The following FBN2 variants were observed in gnomAD, a reference collection of about 807,000 sequenced individuals.
The protein encoded by FBN2 is fibrillin-2.
Under a neutral mutation model 355.6 loss-of-function variants are expected in FBN2, and 105 were observed. That is an observed-to-expected ratio of 0.30 (90% CI 0.25 to 0.35). FBN2 has a LOEUF of 0.35. Ranked by LOEUF, FBN2 falls within the 10% of genes least tolerant of loss-of-function variation. FBN2 has a pLI of 1.00. For synonymous variants in FBN2, 1,350 were observed against 1,301.2 expected (o/e 1.04, Z -0.81); for missense variants, 3,280 against 3,758.7 (o/e 0.87, Z 3.33).
intron 7 of FBN2, among the ~76,000 whole-genome samples, chr5:128,440,525 C>T (rs961329777): frequency 5.3e-5 from 8 of 152,088 alleles, no homozygotes; most frequent in East Asian, 1.9e-4. Context: ...CTCACTATCA[C>T]GAGAACAGCA....
chr5:128,293,127 T>C (rs1482538341), intron 48 of FBN2, among the ~76,000 whole-genome samples: 2 of 152,176 alleles, frequency 1.3e-5, no homozygotes, highest in Admixed American at 1.3e-4. Context: ...CATATCTATG[T>C]CTGTGTATGT....
At position 128,309,143 on chromosome 5, in the gene FBN2, C is replaced by T; in HGVS notation, c.5353+104G>A. The T allele has an allele frequency of 4.8e-6, 6 of 1,262,364 alleles. 1 individual carries two copies. In the South Asian group the frequency reaches 7.5e-5, roughly 16 times the overall value. The allele number at this position is 1,262,364 out of a possible 1,614,324, so 78.2% of individuals were successfully genotyped here. Reference sequence around the variant, plus strand: ...ATGATGCTCTTGGGAATTTTTGGAACTGAGCATCTCTAGTTTTAGCATGCA... The same window carrying T: ...ATGATGCTCTTGGGAATTTTTGGAATTGAGCATCTCTAGTTTTAGCATGCA... On this transcript the variant is annotated intron_variant, in intron 41 of 64. Transcript: ENST00000262464.
At chr5:128,510,461 G>A (rs545733477) in intron 5 of FBN2, among the ~76,000 whole-genome samples, 1 of 152,154 alleles carries the variant, frequency 6.6e-6, no homozygotes, top group East Asian at 1.9e-4. Context: ...TTCTCTCACG[G>A]GTCACTGTTT....
chr5:128,438,734 C>T (rs903107868), intron 7 of FBN2, among the ~76,000 whole-genome samples: 1 of 152,038 alleles, frequency 6.6e-6, no homozygotes, highest in Non-Finnish European at 1.5e-5. Flanking sequence ...ACTGAGGGCT[C>T]AAGAAAAAAA....
intron 19 of FBN2, among the ~76,000 whole-genome samples, chr5:128,358,875 T>C (rs1751569122): frequency 6.6e-6 from 1 of 152,044 alleles, no homozygotes; most frequent in Non-Finnish European, 1.5e-5. Flanking sequence ...CAATTATGAA[T>C]TCAGAAACTA....
Position 128,339,051 on chromosome 5 carries a change from C to T in FBN2, c.3354G>A (p.Glu1118=), listed in dbSNP as rs1164657961. The T allele has an allele frequency of 3.7e-6, 6 of 1,614,036 alleles. No homozygotes were observed. Among genetic ancestry groups the T allele is most frequent in the South Asian group, 2.2e-5 (2 of 91,086 alleles). ...MEERNCTDID[E]CRISPDLCGS... is the part of the protein sequence containing the mutation. ...CACAGAGGTCAGGAGAAATCCTGCA[C>T]TCGTCGATGTCTAATTCACAGGGTT... Residue 1118 remains glutamate (E), a synonymous_variant, in exon 26 of 65, where the codon GAG becomes GAA. Transcript: ENST00000262464.
At chr5:128,511,575 A>G (rs1260283274) in intron 5 of FBN2, among the ~76,000 whole-genome samples, 1 of 152,230 alleles carries the variant, frequency 6.6e-6, no homozygotes, top group Admixed American at 6.5e-5. Context: ...GGAGTATAAG[A>G]AACACAAAGG....
At chr5:128,296,591 T>C (rs1210227163) in intron 48 of FBN2, among the ~76,000 whole-genome samples, 1 of 152,136 alleles carries the variant, frequency 6.6e-6, no homozygotes, top group Non-Finnish European at 1.5e-5. Flanking sequence ...AAGGAATTTA[T>C]CCATTTCTTC....
At chr5:128,264,285 A>C (rs1176576384) in intron 62 of FBN2, among the ~76,000 whole-genome samples, 1 of 152,094 alleles carries the variant, frequency 6.6e-6, no homozygotes, top group Non-Finnish European at 1.5e-5. Context: ...AAATTTATAA[A>C]CCCTAAATGA....
At chr5:128,391,947 T>C in intron 11 of FBN2, 71 bp downstream of exon 11, 1 of 1,387,966 alleles carries the variant, frequency 7.2e-7, no homozygotes, top group Non-Finnish European at 1.0e-6. Flanking sequence ...TCATATTCAT[T>C]CCAATTTGAT....
intron 5 of FBN2, among the ~76,000 whole-genome samples, chr5:128,479,966 CTCTCTCTCTCTATATATATATA>C (rs1402490024): frequency 5.7e-4 from 18 of 31,582 alleles, no homozygotes; most frequent in African/African-American, 7.9e-4. Context: ...CTCTCTCTCT[CTCTCTCTCTCTATATATATATA>C]TATATATATA....
At chr5:128,408,473 A>G (rs766525610) in intron 8 of FBN2, among the ~76,000 whole-genome samples, 2 of 152,194 alleles carry the variant, frequency 1.3e-5, no homozygotes, top group East Asian at 1.9e-4. Flanking sequence ...AACATAAAAC[A>G]AACCCAGTTG....
At chr5:128,527,238 C>A (rs971126467) in intron 4 of FBN2, among the ~76,000 whole-genome samples, 1 of 152,082 alleles carries the variant, frequency 6.6e-6, no homozygotes, top group African/African-American at 2.4e-5. Flanking sequence ...TGTCACAATC[C>A]AGAAACTACA....
chr5:128,318,589 TA>T (rs1394915077), intron 35 of FBN2, among the ~76,000 whole-genome samples: 1 of 151,764 alleles, frequency 6.6e-6, no homozygotes, highest in African/African-American at 2.4e-5. Context: ...TATATATATA[TA>T]TACATGTACT....
chr5:128,413,835 A>G (rs1753129814), intron 7 of FBN2, among the ~76,000 whole-genome samples: 1 of 152,194 alleles, frequency 6.6e-6, no homozygotes, highest in Admixed American at 6.5e-5. Flanking sequence ...GCCAAGAACT[A>G]TACATATTTG....
intron 7 of FBN2, among the ~76,000 whole-genome samples, chr5:128,419,872 T>C (rs1581277927): frequency 1.3e-5 from 2 of 152,216 alleles, no homozygotes; most frequent in East Asian, 3.9e-4. Flanking sequence ...ATTTTGTATT[T>C]TTAGTAGAGA....
chr5:128,395,283 G>A lies in FBN2; in HGVS notation c.1079-9C>T. On this transcript the variant is annotated splice_polypyrimidine_tract_variant and intron_variant, in intron 8 of 64. Coordinates refer to ENST00000262464, the MANE Select transcript of FBN2 (RefSeq NM_001999.4). The stretch of plus-strand genomic sequence containing the variant: ...CATGCCTGTTCTCTGATCTGTGCAT[G>A]TATAAATAAGACAGAAGATATGGCA... 6.2e-7 allele frequency: 1 copy of A among 1,613,954 alleles called. No individual in the cohort carries two copies. The highest frequency in any genetic ancestry group is 8.5e-7 in the Non-Finnish European group (1 of 1,179,966).
In FBN2 at chr5:128,537,681, G is replaced by C; in HGVS notation, c.-78C>G. On this transcript the variant is annotated 5_prime_UTR_variant, in exon 1 of 65. Coordinates refer to ENST00000262464, the MANE Select transcript of FBN2 (RefSeq NM_001999.4). ...GACAAAATCTGCGCGCCTCAGAAAA[G>C]AGTCAGGGTCTAATAAGCCCTTCGT... The C allele has an allele frequency of 2.1e-6, 3 of 1,433,574 alleles. No homozygotes were observed. Among genetic ancestry groups the C allele is most frequent in the Non-Finnish European group, 1.9e-6 (2 of 1,041,264 alleles). 88.8% of individuals were successfully genotyped at this position (1,433,574 alleles called of 1,614,324 possible).
rs768300338 is a variant in FBN2 at position 128,289,250 on chromosome 5, C to T, written c.6514G>A (p.Val2172Ile). The T allele has an allele frequency of 6.2e-7, 1 of 1,613,938 alleles. No homozygotes were observed. The highest frequency in any genetic ancestry group is 8.5e-7 in the Non-Finnish European group (1 of 1,179,862). The change falls in exon 52 of 65, where the codon GTC (valine) becomes ATC (isoleucine). Residue 2172 changes from valine to isoleucine, a missense_variant and splice_region_variant. Coordinates refer to ENST00000262464, the MANE Select transcript of FBN2 (RefSeq NM_001999.4). ...CCTGGGCTCTCAAGACACTCATTGACATCTAAAATATAGAACTGCATGTGA... is the reference window on the plus strand; with the variant it reads ...CCTGGGCTCTCAAGACACTCATTGATATCTAAAATATAGAACTGCATGTGA... ...VPSLHDTRED[V>I]NECLESPGIC...
Sources: gnomAD v4.1 joint callset for allele counts (sites outside exome capture counted in the v4.1 genomes callset) on GRCh38, gnomAD v4.1.1 for gene constraint, MANE v1.5 for transcripts, NCBI Gene and HGNC (gene_info 2026-07-23, HGNC 2026-07-21) for gene names.